Variants in CDK14 observed in about 807,000 individuals in gnomAD.
The protein encoded by CDK14 is cyclin-dependent kinase 14.
In CDK14, 34 loss-of-function variants were observed where a neutral mutation model predicts 60.7. That is an observed-to-expected ratio of 0.56 (90% CI 0.43 to 0.75). CDK14 has a LOEUF of 0.75. Ranked by LOEUF, CDK14 falls within the 30% of genes least tolerant of loss-of-function variation. CDK14 has a pLI of 0.00. For synonymous variants in CDK14, 197 were observed against 203.7 expected (o/e 0.97, Z 0.28); for missense variants, 482 against 564.1 (o/e 0.85, Z 1.47).
intron 10 of CDK14, among the ~76,000 whole-genome samples, chr7:91,003,665 C>T (rs558893066): frequency 1.3e-5 from 2 of 152,186 alleles, no homozygotes; most frequent in African/African-American, 4.8e-5. Context: ...GAGCTTCTTC[C>T]TAAAGGTGTG....
rs1035135354 is a variant in CDK14 at position 91,017,105 on chromosome 7, G to C, written c.1042-28792G>C. ...TTTGTAATGAGCAAAAATAATTTAAGTACACAGGTCTATTTTCTATGAAGT... is the reference window on the plus strand; with the variant it reads ...TTTGTAATGAGCAAAAATAATTTAACTACACAGGTCTATTTTCTATGAAGT... On this transcript the variant is annotated intron_variant, in intron 10 of 14. Coordinates refer to ENST00000380050, the MANE Select transcript of CDK14 (RefSeq NM_001287135.2). Among the ~76,000 whole-genome samples the C allele has an allele frequency of 2.0e-5, 3 of 152,090 alleles. 1 individual carries two copies. The highest frequency in any genetic ancestry group is 4.4e-5 in the Non-Finnish European group (3 of 68,028).
At chr7:90,888,273 C>T (rs1456194791) in intron 6 of CDK14, among the ~76,000 whole-genome samples, 1 of 152,056 alleles carries the variant, frequency 6.6e-6, no homozygotes, top group Non-Finnish European at 1.5e-5. Context: ...TCGCTTGAAC[C>T]CGGAAGGCAG....
intron 14 of CDK14, among the ~76,000 whole-genome samples, chr7:91,162,907 C>T (rs766646512): frequency 3.9e-5 from 6 of 152,168 alleles, no homozygotes; most frequent in Non-Finnish European, 7.3e-5. Context: ...TGTGTGGTGT[C>T]GCTAGTGCCA....
At chr7:90,820,816 A>G (rs1051989276) in intron 5 of CDK14, among the ~76,000 whole-genome samples, 48 of 152,170 alleles carry the variant, frequency 3.2e-4, no homozygotes, top group African/African-American at 1.1e-3. Flanking sequence ...AGTATCTCCA[A>G]CTAAACATGA....
At chr7:90,814,386 T>A (rs938377587) in intron 5 of CDK14, among the ~76,000 whole-genome samples, 29 of 152,244 alleles carry the variant, frequency 1.9e-4, no homozygotes, top group Admixed American at 4.6e-4. Context: ...AGCTTTTTTT[T>A]AAAAAAATTA....
chr7:91,086,509 T>A (rs1392363327), intron 12 of CDK14, among the ~76,000 whole-genome samples: 2 of 152,146 alleles, frequency 1.3e-5, no homozygotes, highest in African/African-American at 2.4e-5. Context: ...GTTCCCGATC[T>A]CCTTGATCTC....
chr7:91,206,006 G>T (rs1392628732), intron 14 of CDK14, among the ~76,000 whole-genome samples: 1 of 152,104 alleles, frequency 6.6e-6, no homozygotes, highest in Non-Finnish European at 1.5e-5. Flanking sequence ...ATATTGGCCA[G>T]GATGGTCTCC....
intron 6 of CDK14, among the ~76,000 whole-genome samples, chr7:90,886,807 A>G (rs772024164): frequency 3.3e-5 from 5 of 152,266 alleles, no homozygotes; most frequent in African/African-American, 1.2e-4. Context: ...CAAGTGTCCA[A>G]TGATTGAAAA....
intron 5 of CDK14, among the ~76,000 whole-genome samples, chr7:90,844,109 A>G (rs1471371875): frequency 1.3e-5 from 2 of 152,224 alleles, no homozygotes; most frequent in Non-Finnish European, 2.9e-5. Flanking sequence ...GAGCAATAAC[A>G]TGCCTTGCAA....
intron 6 of CDK14, among the ~76,000 whole-genome samples, chr7:90,897,152 A>G (rs1478749010): frequency 6.6e-6 from 1 of 152,110 alleles, no homozygotes. Context: ...TGTTGAATAC[A>G]TGTTTCTTGA....
intron 6 of CDK14, among the ~76,000 whole-genome samples, chr7:90,876,173 T>G (rs1220960231): frequency 6.6e-6 from 1 of 152,164 alleles, no homozygotes; most frequent in Non-Finnish European, 1.5e-5. Context: ...GACTAAGTCA[T>G]ATTGTTGAGA....
chr7:90,917,337 G>A (rs372781780), intron 7 of CDK14, among the ~76,000 whole-genome samples: 2 of 152,032 alleles, frequency 1.3e-5, no homozygotes, highest in East Asian at 1.9e-4. Flanking sequence ...CTTAAAGAAC[G>A]CTAATTGGAG....
intron 14 of CDK14, among the ~76,000 whole-genome samples, chr7:91,203,177 T>TAA (rs149416395): frequency 0.022 from 3,300 of 152,220 alleles, 101 homozygotes; most frequent in East Asian, 0.078. Flanking sequence ...CTACCAACCA[T>TAA]CCTCAGGCTG....
chr7:90,949,519 T>A (rs756519946), intron 8 of CDK14, among the ~76,000 whole-genome samples: 282 of 152,208 alleles, frequency 1.9e-3, no homozygotes, highest in Admixed American at 3.1e-3. Context: ...ATATATTTTT[T>A]AAAAAATCTG....
chr7:91,063,979 G>T (rs1797890341), intron 11 of CDK14, among the ~76,000 whole-genome samples: 1 of 152,038 alleles, frequency 6.6e-6, no homozygotes, highest in Non-Finnish European at 1.5e-5. Flanking sequence ...TATGAAGTGG[G>T]TACTGCTGTT....
At chr7:91,033,442 C>T (rs372622455) in intron 10 of CDK14, among the ~76,000 whole-genome samples, 3 of 152,274 alleles carry the variant, frequency 2.0e-5, no homozygotes, top group South Asian at 4.2e-4. Flanking sequence ...CTTTTTAGGT[C>T]GAAAAGTCCA....
intron 9 of CDK14, among the ~76,000 whole-genome samples, chr7:90,963,435 A>T (rs1263395129): frequency 6.6e-6 from 1 of 152,088 alleles, no homozygotes; most frequent in Non-Finnish European, 1.5e-5. Flanking sequence ...AAAAAAAAAT[A>T]GAAGTACATA....
intron 14 of CDK14, among the ~76,000 whole-genome samples, chr7:91,196,030 G>T (rs1026733646): frequency 6.6e-6 from 1 of 152,166 alleles, no homozygotes; most frequent in African/African-American, 2.4e-5. Context: ...ACATTAAATT[G>T]TTACGTACTT....
intron 14 of CDK14, among the ~76,000 whole-genome samples, chr7:91,194,855 A>G (rs552698680): frequency 2.0e-5 from 3 of 152,330 alleles, no homozygotes; most frequent in African/African-American, 7.2e-5. Flanking sequence ...TGCTTCTTAC[A>G]GTAAAACTTC....
Sources: gnomAD v4.1 joint callset for allele counts (sites outside exome capture counted in the v4.1 genomes callset) on GRCh38, gnomAD v4.1.1 for gene constraint, MANE v1.5 for transcripts, NCBI Gene and HGNC (gene_info 2026-07-23, HGNC 2026-07-21) for gene names.